TACC2: variants seen among roughly 807,000 people sequenced by gnomAD.
TACC2 encodes the protein transforming acidic coiled-coil-containing protein 2.
In TACC2, 137 loss-of-function variants were observed where a neutral mutation model predicts 227.3. The ratio of observed to expected loss-of-function variants is 0.60; its 90% CI spans 0.52 to 0.69. The LOEUF (loss-of-function observed/expected upper bound fraction) is 0.69. TACC2 is among the 30% of genes least tolerant of loss of function. The pLI, the probability that TACC2 is intolerant of heterozygous loss-of-function variation, is 0.00. For missense variants in TACC2, 3,470 were observed against 3,694.4 expected (o/e 0.94, Z 1.57); for synonymous variants, 1,523 against 1,487.5 (o/e 1.02, Z -0.55).
rs114248921 is a variant in TACC2, at chr10:122,020,119, T to C, written c.-45-1818T>C. ...TTGTATTTAATTTGGTTAATGATTG[T>C]CACAAATTAATATTACATTCAACCT... On this transcript the variant is annotated intron_variant, in intron 1 of 22. Transcript: ENST00000369005. Among the ~76,000 whole-genome samples the C allele has an allele frequency of 2.4e-3, 368 of 152,286 alleles. 2 individuals are homozygous for C. The highest frequency in any genetic ancestry group is 8.5e-3 in the African/African-American group (354 of 41,564).
At chr10:122,113,457 G>T (rs1159774643) in intron 5 of TACC2, among the ~76,000 whole-genome samples, 6 of 152,246 alleles carry the variant, frequency 3.9e-5, no homozygotes, top group Non-Finnish European at 8.8e-5. Flanking sequence ...CTGCCCAGGA[G>T]CCTGGTTCCC....
At chr10:122,105,944 C>CTG (rs71022897) in intron 5 of TACC2, among the ~76,000 whole-genome samples, 33,078 of 144,626 alleles carry the variant, frequency 0.23, 4,215 homozygotes, top group Middle Eastern at 0.32. Context: ...TTTTCTCTCT[C>CTG]TGTGTGTGTG....
intron 5 of TACC2, among the ~76,000 whole-genome samples, chr10:122,096,173 C>T (rs1479321098): frequency 6.6e-6 from 1 of 152,134 alleles, no homozygotes; most frequent in African/African-American, 2.4e-5. Context: ...CGTGGCACAT[C>T]TGCCCAGTAA....
chr10:122,008,182 C>CT (rs200439660), intron 1 of TACC2, among the ~76,000 whole-genome samples: 3 of 151,720 alleles, frequency 2.0e-5, no homozygotes, highest in Non-Finnish European at 2.9e-5. Context: ...TCATTTCTGC[C>CT]TTTTTTTTCC....
chr10:122,117,900 AT>A (rs1442601444), intron 5 of TACC2, among the ~76,000 whole-genome samples: 5 of 151,994 alleles, frequency 3.3e-5, no homozygotes, highest in African/African-American at 1.2e-4. Flanking sequence ...TCCTCCTTTT[AT>A]ACCCAGGACA....
At chr10:122,075,188 C>CAAAAAAAAAAAAAA (rs74264562) in intron 3 of TACC2, among the ~76,000 whole-genome samples, 1 of 142,582 alleles carries the variant, frequency 7.0e-6, no homozygotes, top group African/African-American at 2.6e-5. Context: ...ATCTTGCTGC[C>CAAAAAAAAAAAAAA]AAAAAAAAAA....
chr10:122,009,793 GT>G (rs768370687), intron 1 of TACC2, among the ~76,000 whole-genome samples: 2 of 151,868 alleles, frequency 1.3e-5, no homozygotes, highest in Non-Finnish European at 2.9e-5. Flanking sequence ...GGGCATGGGG[GT>G]GCGCGCCTGT....
At chr10:122,035,520 A>C (rs1960009585) in intron 2 of TACC2, among the ~76,000 whole-genome samples, 2 of 152,206 alleles carry the variant, frequency 1.3e-5, no homozygotes, top group Non-Finnish European at 2.9e-5. Flanking sequence ...CTTCCTTATG[A>C]GGCGCTAACA....
At chr10:122,240,094 T>C (rs1010374282) in intron 18 of TACC2, among the ~76,000 whole-genome samples, 7 of 152,178 alleles carry the variant, frequency 4.6e-5, no homozygotes, top group Admixed American at 4.6e-4. Flanking sequence ...TCATCAGTAA[T>C]GCTGGGAACA....
At chr10:122,115,076 C>T (rs2084391187) in intron 5 of TACC2, among the ~76,000 whole-genome samples, 1 of 152,228 alleles carries the variant, frequency 6.6e-6, no homozygotes, top group Non-Finnish European at 1.5e-5. Context: ...TGCGCCAAGT[C>T]CTGCGGCCTC....
chr10:122,082,580 G>C (rs527305593), intron 3 of TACC2, 67 bp from the exon 4 acceptor site: 1 of 1,529,910 alleles, frequency 6.5e-7, no homozygotes, highest in Admixed American at 2.0e-5. Context: ...GTTGGGGGGT[G>C]ACCTGCCTGC....
At chr10:122,031,548 G>T (rs969291204) in intron 2 of TACC2, among the ~76,000 whole-genome samples, 4 of 151,426 alleles carry the variant, frequency 2.6e-5, no homozygotes, top group African/African-American at 9.7e-5. Flanking sequence ...GGGACTATAG[G>T]CGCCCACCAC....
chr10:122,234,965 G>A (rs1589820391), intron 16 of TACC2, among the ~76,000 whole-genome samples: 1 of 152,082 alleles, frequency 6.6e-6, no homozygotes, highest in African/African-American at 2.4e-5. Context: ...GAAGGTCCAC[G>A]CTGAGTTTGA....
chr10:122,171,604 A>G (rs939415622), intron 7 of TACC2, among the ~76,000 whole-genome samples: 2 of 152,264 alleles, frequency 1.3e-5, no homozygotes, highest in African/African-American at 4.8e-5. Flanking sequence ...TTTGTGAAAT[A>G]TGACTTAGGC....
intron 2 of TACC2, among the ~76,000 whole-genome samples, chr10:122,034,748 G>A (rs1565124077): frequency 6.6e-6 from 1 of 152,146 alleles, no homozygotes; most frequent in South Asian, 2.1e-4. Flanking sequence ...TGACCAACAT[G>A]GTGAAACCCC....
intron 7 of TACC2, among the ~76,000 whole-genome samples, chr10:122,157,708 G>C (rs1462113193): frequency 1.3e-5 from 2 of 151,864 alleles, no homozygotes; most frequent in Non-Finnish European, 2.9e-5. Flanking sequence ...TATTTTCTTT[G>C]TTCTCTTGAA....
At chr10:122,056,838 G>A (rs865872201) in intron 3 of TACC2, among the ~76,000 whole-genome samples, 2 of 152,172 alleles carry the variant, frequency 1.3e-5, no homozygotes, top group Non-Finnish European at 2.9e-5. Flanking sequence ...GTGAGGGGTT[G>A]AGATTTTTTC....
intron 7 of TACC2, among the ~76,000 whole-genome samples, chr10:122,165,851 A>T (rs1401010659): frequency 1.3e-5 from 2 of 152,016 alleles, no homozygotes; most frequent in East Asian, 3.8e-4. Context: ...CATTGCTAGC[A>T]TCTGTCCTCT....
intron 3 of TACC2, among the ~76,000 whole-genome samples, chr10:122,057,373 C>T (rs1401862099): frequency 6.6e-6 from 1 of 152,044 alleles, no homozygotes; most frequent in Non-Finnish European, 1.5e-5. Flanking sequence ...CAAGGGAGAA[C>T]CCACAGAACC....
Sources: gnomAD v4.1 joint callset for allele counts (sites outside exome capture counted in the v4.1 genomes callset) on GRCh38, gnomAD v4.1.1 for gene constraint, MANE v1.5 for transcripts, NCBI Gene and HGNC (gene_info 2026-07-23, HGNC 2026-07-21) for gene names.